ATP8A2: variants seen among roughly 807,000 people sequenced by gnomAD.
ATP8A2 encodes the protein ATPase phospholipid transporting 8A2.
ATP8A2 carries 100 observed loss-of-function variants against 165.6 expected under a neutral mutation model. The observed-to-expected ratio is 0.60, with a 90% CI of 0.51 to 0.71. The LOEUF is 0.71. ATP8A2 is among the 30% of genes least tolerant of loss of function. The pLI is 0.00. For missense variants in ATP8A2, 1,227 were observed against 1,479.5 expected, an observed-to-expected ratio of 0.83 and a Z score of 2.80; for synonymous variants, 543 against 548.8, an observed-to-expected ratio of 0.99 and a Z score of 0.15.
intron 24 of ATP8A2, among the ~76,000 whole-genome samples, chr13:25,622,019 A>T (rs1186592664): frequency 6.6e-6 from 1 of 152,034 alleles, no homozygotes; most frequent in Non-Finnish European, 1.5e-5. Context: ...CTAAAAACAG[A>T]CAGTACTAAA....
chr13:25,892,246 G>C lies in ATP8A2; in HGVS notation c.3183+29838G>C, dbSNP rs570592202. On this transcript the variant is annotated intron_variant, in intron 33 of 36. Coordinates refer to ENST00000381655, the MANE Select transcript of ATP8A2 (RefSeq NM_016529.6). ...CCCGCCTCAGCCTCCAAAGTGCTGG[G>C]ATTACAGGTGTGAGCCACTGCGCCT... 3.9e-5 allele frequency among the ~76,000 whole-genome samples: 6 copies of C among 152,196 alleles called. No individual in the cohort carries two copies. In the South Asian group the frequency reaches 1.2e-3, roughly 32 times the overall value.
At chr13:25,986,302 G>A (rs900975586) in intron 35 of ATP8A2, among the ~76,000 whole-genome samples, 4 of 152,152 alleles carry the variant, frequency 2.6e-5, no homozygotes, top group African/African-American at 9.7e-5. Flanking sequence ...CTATACATTA[G>A]CTCTCCAGAA....
chr13:25,992,475 G>A (rs534588636), intron 35 of ATP8A2, among the ~76,000 whole-genome samples: 17 of 151,924 alleles, frequency 1.1e-4, no homozygotes, highest in African/African-American at 3.1e-4. Context: ...TGAGACATGT[G>A]GCTTACAAAT....
chr13:25,605,056 C>T (rs1157689811), intron 24 of ATP8A2, among the ~76,000 whole-genome samples: 5 of 152,080 alleles, frequency 3.3e-5, no homozygotes, highest in East Asian at 1.9e-4. Context: ...ATGTCAACAG[C>T]GATGATGGTT....
At chr13:25,544,879 T>C (rs2038595584) in intron 10 of ATP8A2, among the ~76,000 whole-genome samples, 1 of 149,998 alleles carries the variant, frequency 6.7e-6, no homozygotes, top group African/African-American at 2.5e-5. Context: ...CAGAAGGTAG[T>C]GTAGCCAAAT....
chr13:25,883,728 C>T (rs1238133666), intron 33 of ATP8A2, among the ~76,000 whole-genome samples: 6 of 152,188 alleles, frequency 3.9e-5, no homozygotes, highest in African/African-American at 1.4e-4. Context: ...AGAGAAAGAC[C>T]TCCCCTATCA....
chr13:25,691,927 T>A (rs9581422), intron 24 of ATP8A2, among the ~76,000 whole-genome samples: 15,921 of 152,220 alleles, frequency 0.1, 953 homozygotes, highest in East Asian at 0.26. Context: ...TTAAGTTCTA[T>A]AAATACAAAA....
At chr13:25,669,004 G>A (rs1178342619) in intron 24 of ATP8A2, among the ~76,000 whole-genome samples, 1 of 152,022 alleles carries the variant, frequency 6.6e-6, no homozygotes, top group Non-Finnish European at 1.5e-5. Flanking sequence ...TTAATTTAAA[G>A]TTGTTGTCTA....
intron 1 of ATP8A2, among the ~76,000 whole-genome samples, chr13:25,390,676 T>C (rs1045993212): frequency 6.6e-6 from 1 of 152,182 alleles, no homozygotes; most frequent in Non-Finnish European, 1.5e-5. Context: ...ACGCCTGTAA[T>C]CTCAGCATTT....
intron 2 of ATP8A2, among the ~76,000 whole-genome samples, chr13:25,509,929 A>G (rs1171738185): frequency 6.6e-6 from 1 of 152,208 alleles, no homozygotes; most frequent in Non-Finnish European, 1.5e-5. Context: ...ATTTATGAAG[A>G]ACTTGAACTT....
chr13:25,772,874 C>T (rs2044655929), intron 26 of ATP8A2, among the ~76,000 whole-genome samples: 1 of 152,068 alleles, frequency 6.6e-6, no homozygotes, highest in Admixed American at 6.5e-5. Flanking sequence ...ATTGTCCTGC[C>T]TCAGCCTCCT....
intron 24 of ATP8A2, among the ~76,000 whole-genome samples, chr13:25,622,174 C>G (rs2040986161): frequency 6.7e-6 from 1 of 148,880 alleles, no homozygotes; most frequent in East Asian, 2.0e-4. Context: ...CCATTGCACT[C>G]CAGCTTAGGC....
At chr13:25,908,987 G>A (rs1006236639) in intron 33 of ATP8A2, among the ~76,000 whole-genome samples, 4 of 152,184 alleles carry the variant, frequency 2.6e-5, no homozygotes, top group African/African-American at 9.7e-5. Flanking sequence ...GATTTAAATT[G>A]AATCGTAATA....
chr13:25,579,683 A>T, intron 21 of ATP8A2, 125 bp from the exon 22 acceptor site: 1 of 1,024,548 alleles, frequency 9.8e-7, no homozygotes, highest in Non-Finnish European at 1.5e-6. Context: ...GTGTTGAATT[A>T]GAGTGACCTA....
intron 6 of ATP8A2, 63 bp downstream of exon 6, chr13:25,533,376 G>A (rs1226525910): frequency 2.2e-6 from 2 of 915,856 alleles, no homozygotes; most frequent in Admixed American, 4.1e-5. Context: ...TGAATTGCTG[G>A]TCTTGATTGC....
chr13:25,419,441 C>T (rs888419926), intron 1 of ATP8A2, among the ~76,000 whole-genome samples: 7 of 152,106 alleles, frequency 4.6e-5, no homozygotes, highest in Non-Finnish European at 8.8e-5. Flanking sequence ...TTTCTGTGAC[C>T]TGGGAACTTT....
intron 1 of ATP8A2, among the ~76,000 whole-genome samples, chr13:25,413,528 C>T (rs910221071): frequency 2.2e-4 from 33 of 152,030 alleles, no homozygotes; most frequent in African/African-American, 6.8e-4. Context: ...GTGATCTGCC[C>T]GCCTTGGCCT....
At chr13:25,900,807 G>A (rs1423262228) in intron 33 of ATP8A2, among the ~76,000 whole-genome samples, 3 of 152,182 alleles carry the variant, frequency 2.0e-5, no homozygotes, top group Non-Finnish European at 2.9e-5. Context: ...AAAGGGGTGG[G>A]AAGGTATTAG....
At chr13:25,726,517 G>A (rs931087011) in intron 25 of ATP8A2, among the ~76,000 whole-genome samples, 6 of 152,140 alleles carry the variant, frequency 3.9e-5, no homozygotes, top group South Asian at 4.2e-4. Context: ...TAAATTCCTC[G>A]GCTTGTGGCC....
Sources: allele counts gnomAD v4.1 joint callset (sites outside exome capture counted in the v4.1 genomes callset), GRCh38; gene constraint gnomAD v4.1.1; transcripts MANE v1.5; gene names NCBI Gene and HGNC (gene_info 2026-07-23, HGNC 2026-07-21).